TAF1D: variants seen among roughly 807,000 people sequenced by gnomAD.
TAF1D encodes TATA box-binding protein-associated factor RNA polymerase I subunit D.
Under a neutral mutation model 26.2 loss-of-function variants are expected in TAF1D, and 23 were observed. The observed-to-expected ratio is 0.88, with a 90% CI of 0.63 to 1.25. TAF1D has a LOEUF of 1.25. Ranked by LOEUF, TAF1D falls within the 50% of genes most tolerant of loss-of-function variation. The pLI is 0.00. For synonymous variants in TAF1D, 100 were observed against 105.6 expected (o/e 0.95, Z 0.33); for missense variants, 299 against 322.0 (o/e 0.93, Z 0.55).
Position 93,739,548 on chromosome 11 carries a change from G to A in TAF1D, c.-27-217C>T, listed in dbSNP as rs545506635. 5.9e-5 allele frequency among the ~76,000 whole-genome samples: 9 copies of A among 152,172 alleles called. 1 individual carries two copies. In the South Asian group the frequency reaches 1.5e-3, roughly 25 times the overall value. On this transcript the variant is annotated intron_variant, in intron 1 of 5. Coordinates refer to ENST00000448108, the MANE Select transcript of TAF1D (RefSeq NM_024116.4). ...TTGTTACCCTCTAAATGTATTCAAC[G>A]CAACAAGATTCCAAAAAAGTACCGT...
chr11:93,740,248 G>A (rs1941629765), intron 1 of TAF1D, among the ~76,000 whole-genome samples: 1 of 151,456 alleles, frequency 6.6e-6, no homozygotes, highest in South Asian at 2.1e-4. Context: ...TATGTAGTGA[G>A]CCTCAGCAAC....
At chr11:93,733,461 T>G (rs773902251), downstream of TAF1D, 13 of 518,434 alleles carry the variant, frequency 2.5e-5, 1 homozygote, top group South Asian at 1.8e-4. Context: ...TTTCAAACTT[T>G]TAGCAACTGT....
chr11:93,735,064 C>T (rs776738514), downstream of TAF1D: 2 of 1,299,674 alleles, frequency 1.5e-6, no homozygotes, highest in East Asian at 9.5e-5. Flanking sequence ...TGGAACCAAC[C>T]TTTATGGCTA....
downstream of TAF1D, chr11:93,733,759 G>A (rs763726935): frequency 6.8e-6 from 2 of 293,504 alleles, no homozygotes; most frequent in East Asian, 1.7e-4. Context: ...CTGGGCTCAA[G>A]TGTTTCTCCT....
chr11:93,735,058 A>C (rs1940417931), downstream of TAF1D: 15 of 1,289,694 alleles, frequency 1.2e-5, no homozygotes, highest in South Asian at 1.9e-4. Flanking sequence ...CTGGCCTGGA[A>C]CCAACCTTTA....
chr11:93,732,116 A>C, downstream of TAF1D: 1 of 518,788 alleles, frequency 1.9e-6, no homozygotes. Context: ...AACAGTGCCC[A>C]TTCTCTAGAA....
chr11:93,731,323 C>G (rs866480530), downstream of TAF1D: 32 of 344,816 alleles, frequency 9.3e-5, no homozygotes, highest in African/African-American at 4.6e-4. Flanking sequence ...ACCCGGCACC[C>G]CAAGTAAGGT....
chr11:93,736,026 T>C lies in TAF1D; in HGVS notation c.*135A>G, dbSNP rs929420798. 30 of 1,430,832 alleles carry C rather than the reference T, an allele frequency of 2.1e-5. No homozygotes were observed. In the African/African-American group the frequency reaches 3.4e-4, roughly 16 times the overall value. The allele number at this position is 1,430,832 out of a possible 1,614,324, so 88.6% of individuals were successfully genotyped here. A position where few individuals can be genotyped will look rare whatever the true frequency, so the allele number is the denominator to read the frequency against. Reference sequence around the variant, plus strand: ...CAAACTTCTTCACAGGGTTAAAAATTTTTTTTCTTGTTATAAAGTTCTGGG... The same window carrying C: ...CAAACTTCTTCACAGGGTTAAAAATCTTTTTTCTTGTTATAAAGTTCTGGG... On this transcript the variant is annotated 3_prime_UTR_variant, in exon 6 of 6. Coordinates refer to ENST00000448108, the MANE Select transcript of TAF1D (RefSeq NM_024116.4).
In TAF1D at chr11:93,735,840, T is replaced by A. The variant is rs2135489945; in HGVS notation, c.*321A>T. Reference sequence around the variant, plus strand: ...GTCAAGTTACTTTAAGATTTTCTTTTCAAAATTAAAATCACTACATTTCAT... The same window carrying A: ...GTCAAGTTACTTTAAGATTTTCTTTACAAAATTAAAATCACTACATTTCAT... On this transcript the variant is annotated 3_prime_UTR_variant, in exon 6 of 6. Transcript: ENST00000448108. 8.3e-6 allele frequency: 9 copies of A among 1,080,152 alleles called. No homozygotes were observed. In the South Asian group the frequency reaches 2.6e-4, roughly 31 times the overall value. 66.9% of individuals were successfully genotyped at this position (1,080,152 alleles called of 1,614,324 possible).
At chr11:93,737,751 A>T (rs1168846041) in intron 3 of TAF1D, among the ~76,000 whole-genome samples, 2 of 152,200 alleles carry the variant, frequency 1.3e-5, no homozygotes, top group African/African-American at 2.4e-5. Context: ...AACATAAGGC[A>T]TGTGTGGTTT....
Position 93,735,632 on chromosome 11 carries a change from G to GC in TAF1D, c.*528dup. The stretch of plus-strand genomic sequence containing the variant: ...GCAGTAAGCCAAGACTGCGGCCATT[G>GC]CACTACAGCCTGGGTGACAGATCGA... On this transcript the variant is annotated 3_prime_UTR_variant, in exon 6 of 6. Transcript: ENST00000448108. 1.0e-6 allele frequency: 1 copy of GC among 953,074 alleles called. No individual in the cohort carries two copies. The highest frequency in any genetic ancestry group is 5.6e-5 in the Admixed American group (1 of 17,862). The allele number at this position is 953,074 out of a possible 1,614,324, so 59.0% of individuals were successfully genotyped here. A position where few individuals can be genotyped will look rare whatever the true frequency, so the allele number is the denominator to read the frequency against.
chr11:93,736,804 A>C (rs1940896413), intron 4 of TAF1D, 53 bp from the exon 5 acceptor site: 3 of 1,544,612 alleles, frequency 1.9e-6, no homozygotes, highest in Non-Finnish European at 2.7e-6. Context: ...TGACCTAATT[A>C]GTTGTATATT....
At chr11:93,739,897 C>CT (rs1253939679) in intron 1 of TAF1D, among the ~76,000 whole-genome samples, 1 of 127,364 alleles carries the variant, frequency 7.9e-6, no homozygotes, top group Non-Finnish European at 1.6e-5. Flanking sequence ...AATTCTCAAC[C>CT]TTTTTCAATG....
chr11:93,734,860 C>G (rs1940343526), downstream of TAF1D: 1 of 863,640 alleles, frequency 1.2e-6, no homozygotes, highest in African/African-American at 1.8e-5. Flanking sequence ...AGTGCAGCCT[C>G]CAACTCTGCC....
At chr11:93,736,886 G>T in intron 4 of TAF1D, 135 bp from the exon 5 acceptor site, 1 of 1,146,724 alleles carries the variant, frequency 8.7e-7, no homozygotes, top group Non-Finnish European at 1.2e-6. Context: ...TTGTGTTCTG[G>T]AGAATTCTAG....
downstream of TAF1D, chr11:93,733,526 C>T (rs764386857): frequency 3.9e-6 from 2 of 518,950 alleles, no homozygotes; most frequent in Admixed American, 3.9e-5. Context: ...AGTAAAACCA[C>T]AGAGTTACTC....
At chr11:93,730,536 T>G (rs201455038) in exon 12 of TAF1D, 4 of 670,246 alleles carry the variant, frequency 6.0e-6, no homozygotes, top group South Asian at 5.5e-5. Flanking sequence ...CAGGAAAACA[T>G]AGCACCAAAC....
Position 93,736,111 on chromosome 11 carries a change from C to A in TAF1D, c.*50G>T, listed in dbSNP as rs767934267. The stretch of plus-strand genomic sequence containing the variant: ...TATCCACATTTATCTTTATTCATTT[C>A]TATGAAGTCGTTTTTTCTATATGCT... On this transcript the variant is annotated 3_prime_UTR_variant, in exon 6 of 6. Coordinates refer to ENST00000448108, the MANE Select transcript of TAF1D (RefSeq NM_024116.4). The A allele has an allele frequency of 8.7e-6, 14 of 1,607,926 alleles. No individual in the cohort carries two copies. In the South Asian group the frequency reaches 1.4e-4, roughly 17 times the overall value.
intron 5 of TAF1D, 103 bp from the exon 6 acceptor site, chr11:93,736,407 T>C (rs1940761372): frequency 1.4e-6 from 2 of 1,438,124 alleles, no homozygotes; most frequent in African/African-American, 1.5e-5. Flanking sequence ...ACCTAGAGAC[T>C]ACATGTAGAT....
Sources: allele counts gnomAD v4.1 joint callset (sites outside exome capture counted in the v4.1 genomes callset), GRCh38; gene constraint gnomAD v4.1.1; transcripts MANE v1.5; gene names NCBI Gene and HGNC (gene_info 2026-07-23, HGNC 2026-07-21).